HDAC6: variants seen among roughly 807,000 people sequenced by gnomAD.
HDAC6 encodes histone deacetylase 6.
Under a neutral mutation model 88.9 loss-of-function variants are expected in HDAC6, and 5 were observed. The ratio of observed to expected loss-of-function variants is 0.06; its 90% CI spans 0.03 to 0.12. The LOEUF is 0.12. Among genes scored for constraint, HDAC6 ranks in the 10% least tolerant of loss-of-function variants. HDAC6 has a pLI of 1.00. For missense variants in HDAC6, 706 were observed against 1,014.4 expected (o/e 0.70, Z 4.13); for synonymous variants, 378 against 398.0 (o/e 0.95, Z 0.60).
In HDAC6 at chrX:48,823,054, A is replaced by T; in HGVS notation, c.2655A>T (p.Ala885=). ...CAGGCATGGGGAAAGTCACCTCGGC[A>T]TCATTTGGGGAAGAGTCCACTCCAG... is the stretch of plus-strand genomic sequence containing the variant. ...LEAGMGKVTS[A]SFGEESTPGQ... Residue 885 remains alanine, a synonymous_variant, in exon 25 of 29, where the codon GCA becomes GCT. Coordinates refer to ENST00000334136, the MANE Select transcript of HDAC6 (RefSeq NM_006044.4). 8.3e-7 allele frequency: 1 copy of T among 1,211,598 alleles called. No individual in the cohort carries two copies. Among genetic ancestry groups the T allele is most frequent in the Non-Finnish European group, 1.1e-6 (1 of 895,435 alleles).
intron 10 of HDAC6, among the ~76,000 whole-genome samples, chrX:48,809,792 A>T (rs2062871803): frequency 9.3e-6 from 1 of 107,439 alleles, no homozygotes; most frequent in Non-Finnish European, 1.9e-5. Flanking sequence ...ATAGACTGAG[A>T]CCCCATCTAA....
Position 48,824,861 on chromosome X carries a change from G to A in HDAC6, c.*249G>A. ...TACTCCAGCCCAGAAGGAAAGGGGG[G>A]CAGCTCAGTGGCCCCAAGAGGGAGC... On this transcript the variant is annotated 3_prime_UTR_variant, in exon 29 of 29. Coordinates refer to ENST00000334136, the MANE Select transcript of HDAC6 (RefSeq NM_006044.4). 1.8e-6 allele frequency: 2 copies of A among 1,120,749 alleles called. No homozygotes were observed. The highest frequency in any genetic ancestry group is 2.3e-6 in the Non-Finnish European group (2 of 852,335). 92.4% of individuals were successfully genotyped at this position (1,120,749 alleles called of 1,213,427 possible).
intron 6 of HDAC6, 199 bp downstream of exon 6, chrX:48,805,870 A>G: frequency 6.7e-6 from 3 of 446,507 alleles, no homozygotes; most frequent in South Asian, 6.6e-5. Context: ...GATGTGTGTC[A>G]GGTGCTTAGA....
At chrX:48,823,885 G>C (rs942561975) in intron 26 of HDAC6, 37 bp from the exon 27 acceptor site, 21 of 1,202,205 alleles carry the variant, frequency 1.7e-5, no homozygotes, top group Non-Finnish European at 2.4e-5. Flanking sequence ...GGGGAGATGG[G>C]GTCTTCAGCT....
At chrX:48,819,052 C>T (rs2063037237) in intron 22 of HDAC6, among the ~76,000 whole-genome samples, 1 of 112,338 alleles carries the variant, frequency 8.9e-6, no homozygotes, top group African/African-American at 3.2e-5. Flanking sequence ...CGCCGGTGTG[C>T]ATCTTTGGAT....
At chrX:48,819,364 T>A (rs1367736576) in intron 22 of HDAC6, 1 of 117,839 alleles carries the variant, frequency 8.5e-6, no homozygotes, top group Non-Finnish European at 1.8e-5. Flanking sequence ...TGCGTTGCCA[T>A]CTTCTGTTTT....
intron 10 of HDAC6, among the ~76,000 whole-genome samples, chrX:48,811,310 G>A (rs1357115644): frequency 8.9e-6 from 1 of 112,004 alleles, no homozygotes; most frequent in Non-Finnish European, 1.9e-5. Context: ...TCTCAAAAAA[G>A]GAAGTGCCTT....
At position 48,820,260 on chromosome X, in the gene HDAC6, C is replaced by A. The variant is rs1405174800; in HGVS notation, c.2337+5C>A. 8.5e-7 allele frequency: 1 copy of A among 1,170,933 alleles called. No homozygotes were observed. Among genetic ancestry groups the A allele is most frequent in the East Asian group, 3.0e-5 (1 of 33,463 alleles). On this transcript the variant is annotated splice_donor_5th_base_variant and intron_variant, in intron 23 of 28. Transcript: ENST00000334136. ...CGCATTATCCTTATCCTAGAGGTAA[C>A]TTTCTCTTGGTCCCTCTTCCCACAG... is the stretch of plus-strand genomic sequence containing the variant.
chrX:48,802,176 G>A, intron 1 of HDAC6, 34 bp downstream of exon 1: 1 of 879,400 alleles, frequency 1.1e-6, no homozygotes, highest in Non-Finnish European at 1.4e-6. Flanking sequence ...GTGGAGTTAA[G>A]TGAATCGTTA....
intron 4 of HDAC6, chrX:48,803,502 C>T (rs1602231879): frequency 6.5e-6 from 2 of 308,190 alleles, no homozygotes; most frequent in East Asian, 1.2e-4. Flanking sequence ...CAGCCAACAG[C>T]AGTATGAGGT....
At position 48,823,535 on chromosome X, in the gene HDAC6, C is replaced by A. The variant is rs1557031112; in HGVS notation, c.3136C>A (p.Pro1046Thr). 8.3e-7 allele frequency: 1 copy of A among 1,210,446 alleles called. No individual in the cohort carries two copies. The highest frequency in any genetic ancestry group is 2.2e-5 in the Admixed American group (1 of 45,963). The change falls in exon 25 of 29, where the codon CCC (proline) becomes ACC (threonine). Residue 1046 changes from proline to threonine, a missense_variant. Pro to Thr is a conservative substitution (Grantham distance 38). Around this residue, in one of 9 missense-constraint regions of HDAC6, gnomAD observed 112 missense variants for 95.1 expected, o/e 1.18. Coordinates refer to ENST00000334136, the MANE Select transcript of HDAC6 (RefSeq NM_006044.4). Reference protein sequence around the residue: ...PVQGTTPQISPSTLIGSLRTL... With the variant: ...PVQGTTPQISTSTLIGSLRTL... ...GCAGGGAACTACACCCCAGATATCT[C>A]CCAGTACACTGATTGGGAGTCTCAG...
chrX:48,802,704 C>T lies in HDAC6; in HGVS notation c.12C>T (p.Thr4=). 1 of 1,207,958 alleles carries T rather than the reference C, an allele frequency of 8.3e-7. No individual in the cohort carries two copies. The highest frequency in any genetic ancestry group is 1.8e-5 in the South Asian group (1 of 56,336). ...AAGCCTCCTCAACTATGACCTCAAC[C>T]GGCCAGGATTCCACCACAACCAGGC... MTS[T]GQDSTTTRQR... The change falls in exon 2 of 29, where the codon ACC becomes ACT. Residue 4 remains threonine (T), a synonymous_variant. Transcript: ENST00000334136.
chrX:48,817,519 C>G (rs5906712), intron 20 of HDAC6, 60 bp downstream of exon 20: 324,767 of 1,089,864 alleles, frequency 0.3, 34,421 homozygotes, highest in East Asian at 0.57. Context: ...GATGCTCCCC[C>G]CAGCCCATTG....
At chrX:48,811,994 TA>T (rs1557026007) in intron 10 of HDAC6, among the ~76,000 whole-genome samples, 6 of 112,638 alleles carry the variant, frequency 5.3e-5, no homozygotes, top group Non-Finnish European at 9.4e-5. Flanking sequence ...AATGCATCTC[TA>T]AAACATAAGT....
At position 48,803,151 on chromosome X, in the gene HDAC6, A is replaced by G. The variant is rs202245023; in HGVS notation, c.246A>G (p.Ala82=). ...QGMDLNLEAE[A]LAGTGLVLDE... is the part of the protein sequence containing the mutation. Reference sequence around the variant, plus strand: ...AGGATCTGAACCTTGAGGCTGAAGCACTGGCTGGCACTGGCTTGGTGTTGG... The same window carrying G: ...AGGATCTGAACCTTGAGGCTGAAGCGCTGGCTGGCACTGGCTTGGTGTTGG... The change falls in exon 4 of 29, where the codon GCA becomes GCG. Residue 82 remains alanine (A), a synonymous_variant. Coordinates refer to ENST00000334136, the MANE Select transcript of HDAC6 (RefSeq NM_006044.4). 4.1e-6 allele frequency: 5 copies of G among 1,207,395 alleles called. No individual in the cohort carries two copies. Among genetic ancestry groups the G allele is most frequent in the Non-Finnish European group, 5.6e-6 (5 of 893,685 alleles).
In HDAC6 at chrX:48,805,648, G is replaced by T; in HGVS notation, c.414G>T (p.Lys138Asn). 8.5e-7 allele frequency: 1 copy of T among 1,178,254 alleles called. No homozygotes were observed. Among genetic ancestry groups the T allele is most frequent in the East Asian group, 3.1e-5 (1 of 31,995 alleles). Reference protein sequence around the residue: ...CVSFQARFAEKEELMLVHSLE... With the variant: ...CVSFQARFAENEELMLVHSLE... ...CTCCCCAGGCCCGGTTTGCTGAAAA[G>T]GAAGAGCTGATGTTGGTTCACAGGT... Residue 138 changes from lysine (K) to asparagine (N), a missense_variant, in exon 6 of 29, where the codon AAG becomes AAT. By Grantham distance (94) the Lys-to-Asn change is moderately conservative. This residue lies in a region of HDAC6 where 193 missense variants were observed against 258.2 expected (regional missense o/e 0.75). Coordinates refer to ENST00000334136, the MANE Select transcript of HDAC6 (RefSeq NM_006044.4).
chrX:48,814,577 A>G lies in HDAC6; in HGVS notation c.933+11A>G, dbSNP rs199985595. 5.0e-6 allele frequency: 6 copies of G among 1,210,298 alleles called. No homozygotes were observed. Among genetic ancestry groups the G allele is most frequent in the Non-Finnish European group, 5.6e-6 (5 of 894,383 alleles). On this transcript the variant is annotated intron_variant, in intron 11 of 28. Transcript: ENST00000334136. ...GTGCCTTGGAACCAGGTCAGCATCT[A>G]CCCACCTCTGCCCCCAAAGTGAGGC...
Position 48,814,684 on chromosome X carries a change from C to T in HDAC6, c.943C>T (p.Arg315Trp). The change falls in exon 12 of 29, where the codon CGG becomes TGG. Residue 315 changes from arginine to tryptophan, a missense_variant. Arg to Trp is a moderately radical substitution (Grantham distance 101). This residue lies in a region of HDAC6 where 10 missense variants were observed against 36.4 expected (regional missense o/e 0.27). Transcript: ENST00000334136. ...INVPWNQVGM[R>W]DADYIAAFLH... is the part of the protein sequence containing the mutation. ...ACTCCTGTGTCTGCAGGTGGGGATGCGGGATGCTGACTACATTGCTGCTTT... is the reference window on the plus strand; with the variant it reads ...ACTCCTGTGTCTGCAGGTGGGGATGTGGGATGCTGACTACATTGCTGCTTT... 1 of 1,209,486 alleles carries T rather than the reference C, an allele frequency of 8.3e-7. No individual in the cohort carries two copies. The highest frequency in any genetic ancestry group is 1.1e-6 in the Non-Finnish European group (1 of 894,109).
intron 3 of HDAC6, 59 bp from the exon 4 acceptor site, chrX:48,803,069 G>T: frequency 1.7e-6 from 2 of 1,199,549 alleles, no homozygotes; most frequent in Non-Finnish European, 2.3e-6. Flanking sequence ...ACCCTGGACA[G>T]TTCCCTCTGA....
Sources: allele counts gnomAD v4.1 joint callset (sites outside exome capture counted in the v4.1 genomes callset), GRCh38; gene constraint gnomAD v4.1.1; regional missense constraint gnomAD v4.1.1; transcripts MANE v1.5; gene names NCBI Gene and HGNC (gene_info 2026-07-23, HGNC 2026-07-21).